TSNAX: variants seen among roughly 807,000 people sequenced by gnomAD.
TSNAX encodes translin-associated protein X.
TSNAX carries 12 observed loss-of-function variants against 33.0 expected under a neutral mutation model. The ratio of observed to expected loss-of-function variants is 0.36; its 90% CI spans 0.23 to 0.59. The LOEUF is 0.59. Among genes scored for constraint, TSNAX ranks in the 20% least tolerant of loss-of-function variants. The pLI is 0.74. For synonymous variants in TSNAX, 110 were observed against 117.2 expected, an observed-to-expected ratio of 0.94 and a Z score of 0.40; for missense variants, 267 against 341.3, an observed-to-expected ratio of 0.78 and a Z score of 1.72.
intron 3 of TSNAX, among the ~76,000 whole-genome samples, chr1:231,541,578 G>A (rs1452113002): frequency 7.2e-6 from 1 of 139,726 alleles, no homozygotes; most frequent in East Asian, 2.1e-4. Flanking sequence ...TAAACAGTAT[G>A]ATTTAAAAAT....
At chr1:231,552,747 G>A (rs911284019) in intron 4 of TSNAX, among the ~76,000 whole-genome samples, 12 of 152,054 alleles carry the variant, frequency 7.9e-5, no homozygotes, top group Non-Finnish European at 1.2e-4. Flanking sequence ...CCCATTCCCC[G>A]TTCTCCTAAT....
At chr1:231,545,281 TAAAAC>T (rs1659830413) in intron 4 of TSNAX, among the ~76,000 whole-genome samples, 1 of 152,200 alleles carries the variant, frequency 6.6e-6, no homozygotes, top group Non-Finnish European at 1.5e-5. Context: ...GACTTGAAGA[TAAAAC>T]AATTCTGGCA....
At chr1:231,536,564 CGTT>C (rs1659190119) in intron 2 of TSNAX, 1 of 152,110 alleles carries the variant, frequency 6.6e-6, no homozygotes, top group Non-Finnish European at 1.5e-5. Flanking sequence ...AGCTGCTGTG[CGTT>C]GTTGGCATTT....
At chr1:231,561,276 T>C (rs1296748479) in intron 5 of TSNAX, 21 bp downstream of exon 5, 1 of 1,466,710 alleles carries the variant, frequency 6.8e-7, no homozygotes, top group Non-Finnish European at 9.4e-7. Flanking sequence ...AAAATTTATT[T>C]CACATTTGTT....
chr1:231,559,626 G>T (rs1262286306), intron 4 of TSNAX, among the ~76,000 whole-genome samples: 2 of 152,104 alleles, frequency 1.3e-5, no homozygotes, highest in Non-Finnish European at 2.9e-5. Flanking sequence ...CCGGCGCCCG[G>T]CCAGAAAGTA....
At chr1:231,539,454 A>G (rs1460465493) in intron 3 of TSNAX, among the ~76,000 whole-genome samples, 2 of 152,186 alleles carry the variant, frequency 1.3e-5, no homozygotes, top group Non-Finnish European at 2.9e-5. Flanking sequence ...GTTGCTAAGA[A>G]AGTTTTGGAT....
At chr1:231,538,048 A>G (rs1445679471) in intron 3 of TSNAX, among the ~76,000 whole-genome samples, 1 of 152,130 alleles carries the variant, frequency 6.6e-6, no homozygotes, top group East Asian at 1.9e-4. Context: ...CCTTCATATT[A>G]TTAAGTCTCT....
chr1:231,537,175 A>G (rs375376519), intron 2 of TSNAX, 38 bp from the exon 3 acceptor site: 32 of 1,459,446 alleles, frequency 2.2e-5, no homozygotes, highest in Non-Finnish European at 2.8e-5. Context: ...GGCTTTGAGT[A>G]TAGAATATAC....
chr1:231,534,997 G>A (rs1572102356), intron 2 of TSNAX: 1 of 152,304 alleles, frequency 6.6e-6, no homozygotes, highest in East Asian at 1.9e-4. Flanking sequence ...TCTGAATGAT[G>A]AAAGTGAAAT....
chr1:231,530,668 G>A (rs569877178), intron 2 of TSNAX, among the ~76,000 whole-genome samples: 111 of 149,938 alleles, frequency 7.4e-4, no homozygotes, highest in African/African-American at 2.7e-3. Flanking sequence ...CCGAGATCGT[G>A]CCACTGCACT....
chr1:231,562,565 C>T (rs1002279373), intron 5 of TSNAX, among the ~76,000 whole-genome samples: 2 of 152,156 alleles, frequency 1.3e-5, no homozygotes, highest in African/African-American at 4.8e-5. Flanking sequence ...GAAGTTACCA[C>T]ACTTTCCTTT....
At chr1:231,544,531 A>G (rs558517407) in intron 4 of TSNAX, among the ~76,000 whole-genome samples, 36 of 152,348 alleles carry the variant, frequency 2.4e-4, no homozygotes, top group Admixed American at 1.5e-3. Flanking sequence ...AGACTTCTCA[A>G]TTCCTTATTA....
intron 2 of TSNAX, chr1:231,535,998 G>A (rs1201193628): frequency 1.3e-5 from 2 of 152,136 alleles, no homozygotes; most frequent in Admixed American, 6.6e-5. Context: ...GCCTTTCATC[G>A]ATCTCAGGAA....
intron 3 of TSNAX, among the ~76,000 whole-genome samples, chr1:231,539,819 T>C (rs1659441375): frequency 6.6e-6 from 1 of 152,058 alleles, no homozygotes; most frequent in Non-Finnish European, 1.5e-5. Flanking sequence ...ATAATAGACT[T>C]CAGAAAAATA....
chr1:231,561,852 C>T (rs947422218), intron 5 of TSNAX, among the ~76,000 whole-genome samples: 10 of 152,048 alleles, frequency 6.6e-5, no homozygotes, highest in Non-Finnish European at 1.2e-4. Flanking sequence ...GCACCTGACA[C>T]GTAATATACA....
chr1:231,551,366 T>C (rs1660279352), intron 4 of TSNAX, among the ~76,000 whole-genome samples: 1 of 152,230 alleles, frequency 6.6e-6, no homozygotes, highest in African/African-American at 2.4e-5. Flanking sequence ...TGGGCTTTTA[T>C]GTTTTAATAT....
intron 2 of TSNAX, among the ~76,000 whole-genome samples, chr1:231,530,772 C>T (rs543501207): frequency 6.6e-6 from 1 of 151,644 alleles, no homozygotes; most frequent in Admixed American, 6.6e-5. Flanking sequence ...CCTGTAATCC[C>T]AGCTACTCGG....
chr1:231,544,723 C>A (rs1659795645), intron 4 of TSNAX, among the ~76,000 whole-genome samples: 1 of 152,056 alleles, frequency 6.6e-6, no homozygotes, highest in South Asian at 2.1e-4. Context: ...GATAATGATA[C>A]CAAAAGCAAC....
chr1:231,537,588 A>G (rs778940278), intron 3 of TSNAX, among the ~76,000 whole-genome samples: 1 of 152,002 alleles, frequency 6.6e-6, no homozygotes, highest in Non-Finnish European at 1.5e-5. Context: ...TAAAAATACA[A>G]AAATTAGGTG....
Sources: allele counts gnomAD v4.1 joint callset (sites outside exome capture counted in the v4.1 genomes callset), GRCh38; gene constraint gnomAD v4.1.1; transcripts MANE v1.5; gene names NCBI Gene and HGNC (gene_info 2026-07-23, HGNC 2026-07-21).